The following EFCC1 variants were observed in gnomAD, a reference collection of about 807,000 sequenced individuals.
EFCC1 encodes the protein EF-hand and coiled-coil domain containing 1, also known as EF-hand and coiled-coil domain-containing protein 1.
EFCC1 carries 50 observed loss-of-function variants against 52.1 expected under a neutral mutation model. The ratio of observed to expected loss-of-function variants is 0.96; its 90% CI spans 0.76 to 1.21. The LOEUF (loss-of-function observed/expected upper bound fraction) is 1.21, where lower values mean the gene tolerates loss of function less well. Ranked by LOEUF, EFCC1 falls within the 50% of genes most tolerant of loss-of-function variation. The pLI is 0.00. For missense variants in EFCC1, 837 were observed against 867.3 expected, an observed-to-expected ratio of 0.97 and a Z score of 0.44; for synonymous variants, 399 against 396.5, an observed-to-expected ratio of 1.01 and a Z score of -0.08.
At chr3:129,028,092 T>C (rs543595689) in intron 2 of EFCC1, among the ~76,000 whole-genome samples, 14 of 152,116 alleles carry the variant, frequency 9.2e-5, no homozygotes, top group African/African-American at 1.7e-4. Flanking sequence ...TTTTTTTTTT[T>C]TTTCTTTTTT....
In EFCC1 at chr3:129,030,760, G is replaced by A. The variant is rs909452380; in HGVS notation, c.1038G>A (p.Lys346=). 1 of 1,551,570 alleles carries A rather than the reference G, an allele frequency of 6.4e-7. No individual in the cohort carries two copies. Among genetic ancestry groups the A allele is most frequent in the African/African-American group, 1.4e-5 (1 of 73,030 alleles). Residue 346 remains lysine (K), a synonymous_variant, in exon 3 of 8, where the codon AAG becomes AAA. Coordinates refer to ENST00000683648, the MANE Select transcript of EFCC1 (RefSeq NM_001377500.1). ...TAGCCAACCCAGAGCCAGGAGACAA[G>A]AGTAATGAACCTGAAGATGCTGGGA... ...PQLANPEPGD[K]SNEPEDAGTR... is the part of the protein sequence containing the mutation.
intron 2 of EFCC1, among the ~76,000 whole-genome samples, chr3:129,004,366 T>A: frequency 1.6e-5 from 1 of 62,576 alleles, no homozygotes; most frequent in Non-Finnish European, 3.1e-5. Context: ...GTCCATTCAC[T>A]CACCCCCCCC....
rs901867878 is a variant in EFCC1, at chr3:129,038,414, T to C, written c.1594-417T>C. ...GCCTCACGGTAGATGATGCAGCCCC[T>C]CCACCTCCCAGCTGGGTGGCTTTGG... On this transcript the variant is annotated intron_variant, in intron 6 of 7. Transcript: ENST00000683648. Among the ~76,000 whole-genome samples the C allele has an allele frequency of 2.0e-5, 3 of 152,364 alleles. No individual in the cohort carries two copies. In the East Asian group the frequency reaches 5.8e-4, roughly 29 times the overall value.
chr3:129,001,979 G>C lies in EFCC1; in HGVS notation c.351G>C (p.Leu117Phe). Residue 117 changes from leucine (L) to phenylalanine (F), a missense_variant, in exon 1 of 8, where the codon TTG becomes TTC. Transcript: ENST00000683648. ...CCCCCGGGGATGCGGCCGCTGAGTT[G>C]GCCACGGACGGGGACTCAGATACCG... ...DVTPGDAAAELATDGDSDTDE... is the reference protein window; with the variant it reads ...DVTPGDAAAEFATDGDSDTDE... 2.6e-6 allele frequency: 4 copies of C among 1,545,328 alleles called. No individual in the cohort carries two copies. In the South Asian group the frequency reaches 3.6e-5, roughly 14 times the overall value.
intron 2 of EFCC1, among the ~76,000 whole-genome samples, chr3:129,013,909 C>T (rs967605674): frequency 7.9e-5 from 12 of 152,128 alleles, no homozygotes; most frequent in African/African-American, 2.7e-4. Flanking sequence ...AAGGAAGGGC[C>T]GTGGCTTCTT....
At chr3:129,024,430 C>T (rs1480365713) in intron 2 of EFCC1, among the ~76,000 whole-genome samples, 2 of 151,602 alleles carry the variant, frequency 1.3e-5, no homozygotes, top group African/African-American at 4.9e-5. Flanking sequence ...ACTCGGGAGG[C>T]TGAGGCAGGA....
Position 129,030,784 on chromosome 3 carries a change from G to C in EFCC1, c.1062G>C (p.Gly354=), listed in dbSNP as rs1946256410. The change falls in exon 3 of 8, where the codon GGG becomes GGC. Residue 354 remains glycine (G), a synonymous_variant. Coordinates refer to ENST00000683648, the MANE Select transcript of EFCC1 (RefSeq NM_001377500.1). ...AGAGTAATGAACCTGAAGATGCTGG[G>C]ACCAGAGACCCAGACCCCACTCCAG... ...GDKSNEPEDA[G]TRDPDPTPEG... is the part of the protein sequence containing the mutation. 4 of 1,551,546 alleles carry C rather than the reference G, an allele frequency of 2.6e-6. No homozygotes were observed. In the South Asian group the frequency reaches 3.6e-5, roughly 14 times the overall value.
intron 2 of EFCC1, 48 bp downstream of exon 2, chr3:129,004,125 C>A: frequency 7.0e-7 from 1 of 1,421,216 alleles, no homozygotes; most frequent in Non-Finnish European, 9.2e-7. Context: ...ATTCGGCTCC[C>A]ATTTTCCCAA....
chr3:129,023,595 G>A (rs1945964759), intron 2 of EFCC1, among the ~76,000 whole-genome samples: 1 of 152,174 alleles, frequency 6.6e-6, no homozygotes, highest in Non-Finnish European at 1.5e-5. Context: ...GCCTCCCAAA[G>A]TGCTGGGATT....
intron 7 of EFCC1, among the ~76,000 whole-genome samples, chr3:129,039,509 T>G (rs969742339): frequency 1.1e-4 from 16 of 152,170 alleles, no homozygotes; most frequent in Admixed American, 9.8e-4. Flanking sequence ...CCTGCCCTCA[T>G]GGAGGAGATC....
intron 2 of EFCC1, among the ~76,000 whole-genome samples, chr3:129,012,439 G>C (rs1945370146): frequency 6.6e-6 from 1 of 152,062 alleles, no homozygotes; most frequent in Non-Finnish European, 1.5e-5. Flanking sequence ...GTCCCTGCCT[G>C]GTTCTACTCG....
In EFCC1 at chr3:129,025,785, C is replaced by T. The variant is rs77837406; in HGVS notation, c.981-4918C>T. 4.5e-3 allele frequency among the ~76,000 whole-genome samples: 683 copies of T among 152,366 alleles called. 4 individuals carry two copies. The highest frequency in any genetic ancestry group is 0.016 in the African/African-American group (657 of 41,588). ...CTGAGGAAGCACTTGTTCCATTTCT[C>T]TGTAGCCACATTTTACTTCTTGGAA... is the stretch of plus-strand genomic sequence containing the variant. On this transcript the variant is annotated intron_variant, in intron 2 of 7. Transcript: ENST00000683648.
chr3:129,033,015 G>T, intron 4 of EFCC1, 49 bp downstream of exon 4: 1 of 1,451,414 alleles, frequency 6.9e-7, no homozygotes, highest in Non-Finnish European at 9.1e-7. Flanking sequence ...GGCTCCAGAG[G>T]TGTCTGGGGA....
In EFCC1 at chr3:129,010,865, C is replaced by T. The variant is rs974784255; in HGVS notation, c.980+6788C>T. 1.3e-5 allele frequency among the ~76,000 whole-genome samples: 2 copies of T among 152,192 alleles called. No individual in the cohort carries two copies. The highest frequency in any genetic ancestry group is 2.9e-5 in the Non-Finnish European group (2 of 68,024). ...CCCACTCAGGCACCCACTGCATGCCCCAGGCCCTCAGGATGCACAGGGGGC... is the reference window on the plus strand; with the variant it reads ...CCCACTCAGGCACCCACTGCATGCCTCAGGCCCTCAGGATGCACAGGGGGC... On this transcript the variant is annotated intron_variant, in intron 2 of 7. Transcript: ENST00000683648. The surrounding 1 kb of genome is among the most constrained non-coding windows in gnomAD (Gnocchi z 4.3).
intron 2 of EFCC1, among the ~76,000 whole-genome samples, chr3:129,015,217 G>A (rs1277848608): frequency 6.6e-6 from 1 of 151,960 alleles, no homozygotes; most frequent in Admixed American, 6.6e-5. Context: ...CCCCTTCTCA[G>A]GCCCTTTGGG....
chr3:129,002,672 A>C, intron 1 of EFCC1: 1 of 307,642 alleles, frequency 3.3e-6, no homozygotes. Flanking sequence ...TTCAACAAGC[A>C]TCTTTCTCTC....
chr3:129,019,535 T>C (rs1447171518), intron 2 of EFCC1, among the ~76,000 whole-genome samples: 1 of 152,194 alleles, frequency 6.6e-6, no homozygotes, highest in Non-Finnish European at 1.5e-5. Flanking sequence ...ATTCATATAA[T>C]TGTAGTACAA....
At chr3:129,019,764 C>CTTTTTTTTTT (rs760118112) in intron 2 of EFCC1, among the ~76,000 whole-genome samples, 3 of 107,422 alleles carry the variant, frequency 2.8e-5, no homozygotes, top group Non-Finnish European at 5.7e-5. Context: ...ATTAAATTTA[C>CTTTTTTTTTT]TTTTTTTTTT....
Position 129,002,031 on chromosome 3 carries a change from G to A in EFCC1, c.403G>A (p.Ala135Thr), listed in dbSNP as rs778297815. 65 of 1,544,038 alleles carry A rather than the reference G, an allele frequency of 4.2e-5. No individual in the cohort carries two copies. The Admixed American group carries it at 1.2e-3, about 28-fold the overall frequency. The change falls in exon 1 of 8, where the codon GCC becomes ACC. Residue 135 changes from alanine to threonine, a missense_variant. Coordinates refer to ENST00000683648, the MANE Select transcript of EFCC1 (RefSeq NM_001377500.1). ...TDEEARLALR[A>T]EPPELTFRQF... ...TGAAGAGGCGCGCCTGGCGCTGCGC[G>A]CCGAGCCGCCGGAGCTCACCTTCCG...
Sources: allele counts gnomAD v4.1 joint callset (sites outside exome capture counted in the v4.1 genomes callset), GRCh38; gene constraint gnomAD v4.1.1; non-coding constraint Gnocchi (gnomAD v3.1); transcripts MANE v1.5; gene names NCBI Gene and HGNC (gene_info 2026-07-23, HGNC 2026-07-21).